ATG7: variants seen among roughly 807,000 people sequenced by gnomAD.
ATG7 encodes the protein ubiquitin-like modifier-activating enzyme ATG7.
In ATG7, 70 loss-of-function variants were observed where a neutral mutation model predicts 82.4. The ratio of observed to expected loss-of-function variants is 0.85; its 90% CI spans 0.70 to 1.04. The LOEUF (loss-of-function observed/expected upper bound fraction) is 1.04, where lower values mean the gene tolerates loss of function less well. Among genes scored for constraint, ATG7 ranks in the 50% least tolerant of loss-of-function variants. The pLI, the probability that ATG7 is intolerant of heterozygous loss-of-function variation, is 0.00. For missense variants in ATG7, 792 were observed against 864.3 expected, an observed-to-expected ratio of 0.92 and a Z score of 1.05; for synonymous variants, 287 against 313.0, an observed-to-expected ratio of 0.92 and a Z score of 0.88.
intron 20 of ATG7, among the ~76,000 whole-genome samples, chr3:11,494,721 CAT>C (rs2090672960): frequency 6.6e-6 from 1 of 152,048 alleles, no homozygotes; most frequent in South Asian, 2.1e-4. Context: ...AGATACTAGT[CAT>C]AGGGCTTTGG....
At chr3:11,493,985 G>A (rs2090610657) in intron 20 of ATG7, among the ~76,000 whole-genome samples, 2 of 152,204 alleles carry the variant, frequency 1.3e-5, no homozygotes, top group Non-Finnish European at 1.5e-5. Flanking sequence ...TAGTAGTTAG[G>A]TGAAAGAGAA....
intron 20 of ATG7, among the ~76,000 whole-genome samples, chr3:11,487,051 G>A (rs1454067131): frequency 6.6e-6 from 1 of 151,086 alleles, no homozygotes; most frequent in Admixed American, 6.6e-5. Flanking sequence ...CGAGCATGCT[G>A]CCTTCAAGCA....
chr3:11,448,290 T>C (rs1242041197), intron 20 of ATG7, among the ~76,000 whole-genome samples: 1 of 152,178 alleles, frequency 6.6e-6, no homozygotes, highest in Non-Finnish European at 1.5e-5. Flanking sequence ...TTCTAGGCTT[T>C]TCCTCCTTCC....
intron 20 of ATG7, among the ~76,000 whole-genome samples, chr3:11,510,532 C>T (rs2153075171): frequency 1.3e-5 from 2 of 151,794 alleles, no homozygotes; most frequent in African/African-American, 4.8e-5. Flanking sequence ...CCCCTCAACC[C>T]CCCATCTCCA....
chr3:11,370,605 G>C (rs2076929925), intron 18 of ATG7, among the ~76,000 whole-genome samples: 1 of 151,238 alleles, frequency 6.6e-6, no homozygotes, highest in African/African-American at 2.4e-5. Context: ...CTGCAACTGT[G>C]CTTTCTCAGA....
Position 11,315,384 on chromosome 3 carries a change from C to A in ATG7, c.569C>A (p.Thr190Lys). 1 of 1,609,778 alleles carries A rather than the reference C, an allele frequency of 6.2e-7. No individual in the cohort carries two copies. The highest frequency in any genetic ancestry group is 8.5e-7 in the Non-Finnish European group (1 of 1,178,378). ...LECAYDNLCQTEGVTALPYFL... is the reference protein window; with the variant it reads ...LECAYDNLCQKEGVTALPYFL... ...TGTGCATATGATAATCTTTGTCAAA[C>A]AGAAGGAGTCACAGCTCTTCCTTAC... The change falls in exon 9 of 21, where the codon ACA (threonine) becomes AAA (lysine). Residue 190 changes from threonine to lysine, a missense_variant. Thr to Lys is a moderately conservative substitution (Grantham distance 78). Coordinates refer to ENST00000693202, the MANE Select transcript of ATG7 (RefSeq NM_001349232.2).
intron 19 of ATG7, among the ~76,000 whole-genome samples, chr3:11,407,046 C>A (rs1456160975): frequency 6.6e-6 from 1 of 152,204 alleles, no homozygotes; most frequent in Non-Finnish European, 1.5e-5. Flanking sequence ...TCCAAAGTCT[C>A]TTCTGAGACA....
chr3:11,359,100 G>A (rs1364438308), intron 15 of ATG7, among the ~76,000 whole-genome samples: 1 of 151,972 alleles, frequency 6.6e-6, no homozygotes, highest in Non-Finnish European at 1.5e-5. Context: ...TACCAATTAT[G>A]TTTATATATA....
At chr3:11,401,307 A>G (rs976264601) in intron 19 of ATG7, among the ~76,000 whole-genome samples, 83 of 152,198 alleles carry the variant, frequency 5.5e-4, no homozygotes, top group African/African-American at 1.9e-3. Context: ...TTGTTATTTT[A>G]AGGTTTCAAG....
rs543554166 is a variant in ATG7 at position 11,543,683 on chromosome 3, T to C, written c.2080-11128T>C. 7.2e-5 allele frequency among the ~76,000 whole-genome samples: 11 copies of C among 152,294 alleles called. No homozygotes were observed. The East Asian group carries it at 2.1e-3, about 29-fold the overall frequency. On this transcript the variant is annotated intron_variant, in intron 20 of 20. Coordinates refer to ENST00000693202, the MANE Select transcript of ATG7 (RefSeq NM_001349232.2). ...GGGAGACTGAGGTGGGCGGATCACC[T>C]GAGGTCAGGAGTTGGAGACCAGCCT...
intron 19 of ATG7, among the ~76,000 whole-genome samples, chr3:11,394,832 C>A (rs1216418563): frequency 6.6e-6 from 1 of 152,116 alleles, no homozygotes; most frequent in Non-Finnish European, 1.5e-5. Context: ...GATCCTAGTC[C>A]TAAAATTATT....
intron 19 of ATG7, among the ~76,000 whole-genome samples, chr3:11,389,438 T>C (rs1001235725): frequency 8.4e-4 from 20 of 23,866 alleles, no homozygotes; most frequent in Non-Finnish European, 2.0e-3. Flanking sequence ...TTGTTAGTGC[T>C]TTTTTTTTTT....
chr3:11,294,030 A>G (rs1466005667), intron 3 of ATG7, among the ~76,000 whole-genome samples: 3 of 151,072 alleles, frequency 2.0e-5, no homozygotes, highest in African/African-American at 7.3e-5. Context: ...AAAAAAAAAA[A>G]AAAAGAAAAA....
intron 5 of ATG7, among the ~76,000 whole-genome samples, chr3:11,305,361 C>G (rs73125411): frequency 9.2e-5 from 14 of 152,170 alleles, no homozygotes; most frequent in Non-Finnish European, 1.5e-4. Flanking sequence ...TTTCTCCTTT[C>G]ACAAAATGAG....
rs71626995 is a variant in ATG7 at position 11,277,891 on chromosome 3, A to ACCCCCCCCCCCC, written c.-365-3101_-365-3090dup. ...ACACTCCCAGAGCGGCCCTTTATAG[A>ACCCCCCCCCCCC]CCCCCCCCCCCCCACCAGGAATGCA... is the stretch of plus-strand genomic sequence containing the variant. On this transcript the variant is annotated intron_variant, in intron 1 of 20. Coordinates refer to ENST00000693202, the MANE Select transcript of ATG7 (RefSeq NM_001349232.2). Among the ~76,000 whole-genome samples the ACCCCCCCCCCCC allele has an allele frequency of 3.5e-4, 21 of 60,784 alleles. 2 individuals are homozygous for ACCCCCCCCCCCC. Among genetic ancestry groups the ACCCCCCCCCCCC allele is most frequent in the African/African-American group, 7.5e-4 (11 of 14,710 alleles). 39.9% of individuals were successfully genotyped at this position (60,784 alleles called of 152,430 possible). A position where few individuals can be genotyped will look rare whatever the true frequency, so the allele number is the denominator to read the frequency against.
intron 1 of ATG7, chr3:11,277,308 A>G (rs1942019539): frequency 6.6e-6 from 1 of 152,286 alleles, no homozygotes; most frequent in Non-Finnish European, 1.5e-5. Flanking sequence ...AAGGCTCTTC[A>G]TGATATGGCC....
intron 20 of ATG7, among the ~76,000 whole-genome samples, chr3:11,554,435 A>T (rs1395648836): frequency 6.6e-6 from 1 of 152,186 alleles, no homozygotes; most frequent in African/African-American, 2.4e-5. Context: ...CTTGCCTTCC[A>T]GAGGGCAGGT....
At position 11,357,226 on chromosome 3, in the gene ATG7, T is replaced by C. The variant is rs545645226; in HGVS notation, c.1285-1192T>C. Among the ~76,000 whole-genome samples the C allele has an allele frequency of 1.2e-4, 19 of 152,286 alleles. No homozygotes were observed. In the South Asian group the frequency reaches 3.5e-3, roughly 28 times the overall value. On this transcript the variant is annotated intron_variant, in intron 14 of 20. Transcript: ENST00000693202. ...AGTTTATGATTCTAGAACACATTTT[T>C]TGTGGAAAGTCAGTGTCCCTGGCTT...
intron 20 of ATG7, among the ~76,000 whole-genome samples, chr3:11,532,556 G>A (rs950473074): frequency 4.6e-5 from 7 of 152,056 alleles, no homozygotes; most frequent in African/African-American, 7.2e-5. Flanking sequence ...CGTCCTGTCC[G>A]TTCATAAAAT....
Sources: allele counts gnomAD v4.1 joint callset (sites outside exome capture counted in the v4.1 genomes callset), GRCh38; gene constraint gnomAD v4.1.1; transcripts MANE v1.5; gene names NCBI Gene and HGNC (gene_info 2026-07-23, HGNC 2026-07-21).